CALN1: variants seen among roughly 807,000 people sequenced by gnomAD.
CALN1 encodes calcium-binding protein 8.
Under a neutral mutation model 30.6 loss-of-function variants are expected in CALN1, and 17 were observed. The ratio of observed to expected loss-of-function variants is 0.56; its 90% CI spans 0.38 to 0.83. The LOEUF is 0.83. Ranked by LOEUF, CALN1 falls within the 40% of genes least tolerant of loss-of-function variation. The pLI is 0.00. For missense variants in CALN1, 291 were observed against 354.9 expected, an observed-to-expected ratio of 0.82 and a Z score of 1.45; for synonymous variants, 156 against 131.4, an observed-to-expected ratio of 1.19 and a Z score of -1.28.
At chr7:72,338,505 G>GTGTGTGTGTGTGTA (rs1802217413) in intron 2 of CALN1, among the ~76,000 whole-genome samples, 1 of 147,770 alleles carries the variant, frequency 6.8e-6, no homozygotes, top group Non-Finnish European at 1.5e-5. Flanking sequence ...GTGTGTGTGT[G>GTGTGTGTGTGTGTA]TGTGTGTGTG....
At chr7:72,490,413 C>G in the CALN1 span, among the ~76,000 whole-genome samples, 2 of 152,198 alleles carry the variant, frequency 1.3e-5, no homozygotes, top group Non-Finnish European at 2.9e-5. Context: ...GGATTTTCAT[C>G]TCCTCTGCCA....
chr7:72,415,298 C>T (rs147780581), upstream of CALN1, among the ~76,000 whole-genome samples: 454 of 152,332 alleles, frequency 3.0e-3, 1 homozygote, highest in African/African-American at 0.01. Context: ...TCCAGATGCA[C>T]CTGTATTTTC....
chr7:71,943,545 A>AT (rs1441927845), intron 5 of CALN1, among the ~76,000 whole-genome samples: 1 of 149,244 alleles, frequency 6.7e-6, no homozygotes, highest in Non-Finnish European at 1.5e-5. Context: ...GGTTCAAGTC[A>AT]TTCTCGTGCC....
At chr7:71,835,801 A>T (rs1407210731) in intron 5 of CALN1, among the ~76,000 whole-genome samples, 1 of 152,234 alleles carries the variant, frequency 6.6e-6, no homozygotes, top group Admixed American at 6.5e-5. Context: ...CTGTGAGGGC[A>T]TCCGAGCAGC....
upstream of CALN1, among the ~76,000 whole-genome samples, chr7:72,413,598 T>G (rs1807318615): frequency 6.6e-6 from 1 of 150,526 alleles, no homozygotes; most frequent in South Asian, 2.1e-4. Flanking sequence ...ATATACACAC[T>G]AACACATGCA....
intron 5 of CALN1, among the ~76,000 whole-genome samples, chr7:72,004,982 T>C (rs1799696972): frequency 6.6e-6 from 1 of 152,106 alleles, no homozygotes; most frequent in African/African-American, 2.4e-5. Context: ...AAATATAAAA[T>C]AGTGACATAC....
At chr7:72,377,960 T>TGCC (rs918792312) in intron 2 of CALN1, among the ~76,000 whole-genome samples, 5 of 152,126 alleles carry the variant, frequency 3.3e-5, no homozygotes, top group African/African-American at 1.2e-4. Context: ...TTTCAAAGCC[T>TGCC]GCCCCTCCCC....
the CALN1 span, among the ~76,000 whole-genome samples, chr7:72,494,647 C>T: frequency 2.0e-5 from 3 of 151,912 alleles, no homozygotes; most frequent in Non-Finnish European, 4.4e-5. Context: ...GAGACCAACA[C>T]TGATTGCTTG....
the CALN1 span, among the ~76,000 whole-genome samples, chr7:72,453,390 A>C: frequency 2.0e-5 from 3 of 152,198 alleles, no homozygotes; most frequent in Non-Finnish European, 4.4e-5. Flanking sequence ...GGCTATTCAG[A>C]AGTTTCTAGA....
chr7:72,416,585 C>T (rs563411535), upstream of CALN1, among the ~76,000 whole-genome samples: 1 of 151,984 alleles, frequency 6.6e-6, no homozygotes, highest in South Asian at 2.1e-4. Flanking sequence ...AAATTCAAAA[C>T]TTAGCTGAGC....
At chr7:72,123,508 C>T (rs1808534281) in intron 3 of CALN1, among the ~76,000 whole-genome samples, 1 of 152,170 alleles carries the variant, frequency 6.6e-6, no homozygotes, top group South Asian at 2.1e-4. Flanking sequence ...TTCTAATTTG[C>T]TTGCAAATAC....
intron 5 of CALN1, among the ~76,000 whole-genome samples, chr7:71,979,679 C>G (rs1273846488): frequency 6.6e-6 from 1 of 151,932 alleles, no homozygotes; most frequent in Non-Finnish European, 1.5e-5. Flanking sequence ...GGGTTGGGGA[C>G]CCCTGCTCTA....
At chr7:72,281,644 C>T (rs1297492159) in intron 2 of CALN1, among the ~76,000 whole-genome samples, 2 of 152,204 alleles carry the variant, frequency 1.3e-5, no homozygotes, top group Admixed American at 6.5e-5. Context: ...TTATCTAATT[C>T]ACTTCCTGGA....
intron 4 of CALN1, among the ~76,000 whole-genome samples, chr7:72,047,476 C>T (rs1029901582): frequency 2.6e-5 from 4 of 152,102 alleles, no homozygotes; most frequent in African/African-American, 7.2e-5. Context: ...GTAGTCCCAG[C>T]TACTTGGGAG....
intron 5 of CALN1, among the ~76,000 whole-genome samples, chr7:71,875,577 A>G (rs998139488): frequency 3.9e-5 from 6 of 152,122 alleles, no homozygotes; most frequent in African/African-American, 1.4e-4. Flanking sequence ...AGGAAGCCAG[A>G]CCCTAGGACC....
At chr7:71,930,787 G>A (rs906882293) in intron 5 of CALN1, among the ~76,000 whole-genome samples, 1 of 152,100 alleles carries the variant, frequency 6.6e-6, no homozygotes, top group Non-Finnish European at 1.5e-5. Flanking sequence ...ACTCTTCTGC[G>A]CTTCTCACAT....
chr7:72,326,284 A>C (rs1483976257), intron 2 of CALN1, among the ~76,000 whole-genome samples: 1 of 152,228 alleles, frequency 6.6e-6, no homozygotes, highest in Non-Finnish European at 1.5e-5. Flanking sequence ...GGATAGGCAC[A>C]GAAAGGATGA....
At chr7:72,100,821 C>CAAAAA (rs35514026) in intron 4 of CALN1, among the ~76,000 whole-genome samples, 70 of 72,764 alleles carry the variant, frequency 9.6e-4, no homozygotes, top group Middle Eastern at 0.011. Context: ...CTCCGTCTCA[C>CAAAAA]AAAAAAAAAA....
intron 2 of CALN1, among the ~76,000 whole-genome samples, chr7:72,388,244 T>C (rs556375163): frequency 9.9e-5 from 15 of 152,268 alleles, no homozygotes; most frequent in South Asian, 4.1e-4. Flanking sequence ...AGTTATTGTA[T>C]CCATTAAAAA....
Sources: gnomAD v4.1 joint callset for allele counts (sites outside exome capture counted in the v4.1 genomes callset) on GRCh38, gnomAD v4.1.1 for gene constraint, MANE v1.5 for transcripts, NCBI Gene and HGNC (gene_info 2026-07-23, HGNC 2026-07-21) for gene names.